ROBO3: variants seen among roughly 807,000 people sequenced by gnomAD.
ROBO3 encodes the protein roundabout homolog 3.
A neutral mutation model predicts 160.5 loss-of-function variants in ROBO3; 97 were observed. The ratio of observed to expected loss-of-function variants is 0.60; its 90% CI spans 0.51 to 0.72. ROBO3 has a LOEUF of 0.72. ROBO3 is among the 30% of genes least tolerant of loss of function. The pLI is 0.00. For synonymous variants in ROBO3, 780 were observed against 746.2 expected, an observed-to-expected ratio of 1.05 and a Z score of -0.74; for missense variants, 1,858 against 1,846.5, an observed-to-expected ratio of 1.01 and a Z score of -0.11.
At chr11:124,867,616 T>G (rs1565307829) in intron 1 of ROBO3, among the ~76,000 whole-genome samples, 1 of 152,170 alleles carries the variant, frequency 6.6e-6, no homozygotes, top group African/African-American at 2.4e-5. Flanking sequence ...ATCGATCTTC[T>G]TGACTCCAGG....
chr11:124,879,803 C>A lies in ROBO3; in HGVS notation c.3813C>A (p.Pro1271=). The change falls in exon 26 of 28, where the codon CCC becomes CCA. Residue 1271 remains proline, a synonymous_variant. Coordinates refer to ENST00000397801, the MANE Select transcript of ROBO3 (RefSeq NM_022370.4). ...CCTCCCCAGACTTGCCCCCACCACCCTTGCCACCGCCAGAGGAAGAGGCGA... is the reference window on the plus strand; with the variant it reads ...CCTCCCCAGACTTGCCCCCACCACCATTGCCACCGCCAGAGGAAGAGGCGA... ...ENSPGDLPPP[P]LPPPEEEASW... is the part of the protein sequence containing the mutation. 1 of 1,613,866 alleles carries A rather than the reference C, an allele frequency of 6.2e-7. No individual in the cohort carries two copies. Among genetic ancestry groups the A allele is most frequent in the East Asian group, 2.2e-5 (1 of 44,878 alleles).
At chr11:124,867,616 T>C (rs1565307829) in intron 1 of ROBO3, among the ~76,000 whole-genome samples, 2 of 152,170 alleles carry the variant, frequency 1.3e-5, no homozygotes, top group Admixed American at 6.5e-5. Context: ...ATCGATCTTC[T>C]TGACTCCAGG....
chr11:124,880,093 C>T (rs2135349255), intron 26 of ROBO3, 145 bp downstream of exon 26: 1 of 905,754 alleles, frequency 1.1e-6, no homozygotes. Context: ...GTCTCTCTAA[C>T]TCTCTGAGCA....
chr11:124,865,849 C>A lies in ROBO3; in HGVS notation c.160+112C>A. Reference sequence around the variant, plus strand: ...TCCCGAGGTCCGGGATTGAGTGGCGCCTCCCAGCGCCTCCCTGGGTCGTGG... The same window carrying A: ...TCCCGAGGTCCGGGATTGAGTGGCGACTCCCAGCGCCTCCCTGGGTCGTGG... On this transcript the variant is annotated intron_variant, in intron 1 of 27. Coordinates refer to ENST00000397801, the MANE Select transcript of ROBO3 (RefSeq NM_022370.4). This position sits in a 1 kb window ranked among gnomAD's most constrained non-coding sequence, Gnocchi z 5.5. The A allele has an allele frequency of 8.5e-7, 1 of 1,175,526 alleles. No homozygotes were observed. Among genetic ancestry groups the A allele is most frequent in the Non-Finnish European group, 1.2e-6 (1 of 854,324 alleles). The allele number at this position is 1,175,526 out of a possible 1,614,324, so 72.8% of individuals were successfully genotyped here.
chr11:124,869,299 T>A lies in ROBO3; in HGVS notation c.488-151T>A. 2 of 1,073,480 alleles carry A rather than the reference T, an allele frequency of 1.9e-6. No homozygotes were observed. Among genetic ancestry groups the A allele is most frequent in the South Asian group, 2.7e-5 (2 of 74,358 alleles). The allele number at this position is 1,073,480 out of a possible 1,614,324, so 66.5% of individuals were successfully genotyped here. The stretch of plus-strand genomic sequence containing the variant: ...GCCACACCACGGCCAGAGAAGGAAG[T>A]GGATCTGACTCCAGGCTGATATTTT... On this transcript the variant is annotated intron_variant, in intron 2 of 27. Coordinates refer to ENST00000397801, the MANE Select transcript of ROBO3 (RefSeq NM_022370.4). This position sits in a 1 kb window ranked among gnomAD's most constrained non-coding sequence, Gnocchi z 4.2.
chr11:124,868,512 A>G (rs1277680604), intron 1 of ROBO3: 4 of 598,410 alleles, frequency 6.7e-6, no homozygotes, highest in Non-Finnish European at 1.2e-5. Context: ...TTGGCAGGAG[A>G]GGAGACGGAG....
chr11:124,876,349 G>A lies in ROBO3; in HGVS notation c.2668G>A (p.Glu890Lys), dbSNP rs756642808. Residue 890 changes from glutamate (E) to lysine (K), a missense_variant, in exon 17 of 28, where the codon GAG (glutamate) becomes AAG (lysine). Coordinates refer to ENST00000397801, the MANE Select transcript of ROBO3 (RefSeq NM_022370.4). The surrounding 1 kb of genome is among the most constrained non-coding windows in gnomAD (Gnocchi z 5.3). ...GGTGCGGCTGGCGAGGGTGCTGCGG[G>A]AGCCCGCCTTCCTCGCGGGCAGCGG... ...LAVRLARVLR[E>K]PAFLAGSGAA... is the part of the protein sequence containing the mutation. 4.0e-5 allele frequency: 57 copies of A among 1,434,316 alleles called. No individual in the cohort carries two copies. The highest frequency in any genetic ancestry group is 5.9e-5 in the South Asian group (4 of 67,626). 88.8% of individuals were successfully genotyped at this position (1,434,316 alleles called of 1,614,324 possible). A position where few individuals can be genotyped will look rare whatever the true frequency, so the allele number is the denominator to read the frequency against.
At chr11:124,877,702 C>T (rs775012002) in intron 20 of ROBO3, 44 bp downstream of exon 20, 12 of 1,602,086 alleles carry the variant, frequency 7.5e-6, no homozygotes, top group Non-Finnish European at 1.0e-5. Context: ...CGCACTTCTC[C>T]CGACCTACTG....
At chr11:124,880,324 C>G (rs1244279232) in intron 26 of ROBO3, 94 bp from the exon 27 acceptor site, 2 of 1,532,198 alleles carry the variant, frequency 1.3e-6, no homozygotes, top group East Asian at 4.7e-5. Context: ...TCATCTTCTT[C>G]CAGAGCTGAG....
rs35723495 is a variant in ROBO3, at chr11:124,880,565, A to G, written c.4106A>G (p.Gln1369Arg). 1.3e-6 allele frequency: 2 copies of G among 1,524,216 alleles called. No homozygotes were observed. The highest frequency in any genetic ancestry group is 1.8e-6 in the Non-Finnish European group (2 of 1,130,128). The allele number at this position is 1,524,216 out of a possible 1,614,324, so 94.4% of individuals were successfully genotyped here. Residue 1369 changes from glutamine to arginine, a missense_variant, in exon 27 of 28, where the codon CAG becomes CGG. Physicochemically the swap from Gln to Arg is conservative, Grantham distance 43. Transcript: ENST00000397801. ...RGPGRSRSRS[Q>R]SRSQSQRPGQ... ...CCTGGCCGGAGCCGGAGTCGGAGTCAGAGCCGGAGCCAGAGCCAAAGGCCA... is the reference window on the plus strand; with the variant it reads ...CCTGGCCGGAGCCGGAGTCGGAGTCGGAGCCGGAGCCAGAGCCAAAGGCCA...
rs766739452 is a variant in ROBO3 at position 124,878,115 on chromosome 11, G to A, written c.3165G>A (p.Trp1055Ter). ...GGAGCCAGTACGCTCCTCCAGAGTG[G>A]AGCCAGGGGGACAGTGGTATGACTC... is the stretch of plus-strand genomic sequence containing the variant. ...GPWSQYAPPE[W>*]SQGDSGAKGG... Residue 1055 changes from tryptophan to a stop codon, truncating the protein, a stop_gained, in exon 21 of 28, where the codon TGG becomes TGA. Coordinates refer to ENST00000397801, the MANE Select transcript of ROBO3 (RefSeq NM_022370.4). LOFTEE classifies it high-confidence loss of function. This position sits in a 1 kb window ranked among gnomAD's most constrained non-coding sequence, Gnocchi z 4.3. The A allele has an allele frequency of 2.5e-6, 4 of 1,607,326 alleles. No homozygotes were observed. The highest frequency in any genetic ancestry group is 2.2e-5 in the East Asian group (1 of 44,752).
intron 23 of ROBO3, 101 bp from the exon 24 acceptor site, chr11:124,879,089 T>A: frequency 7.4e-7 from 1 of 1,346,946 alleles, no homozygotes; most frequent in Non-Finnish European, 1.0e-6. Flanking sequence ...GGGTTGTGTC[T>A]CGTTTATCTG....
In ROBO3 at chr11:124,870,598, C is replaced by T. The variant is rs1487655672; in HGVS notation, c.906-3C>T. 23 of 1,613,572 alleles carry T rather than the reference C, an allele frequency of 1.4e-5. 1 individual carries two copies. Among genetic ancestry groups the T allele is most frequent in the South Asian group, 1.1e-4 (10 of 90,932 alleles). ...ACCCAGCCTGGGGTGGGGAGTGGAG[C>T]AGGTATGAGATCCGGAGTGACCACA... On this transcript the variant is annotated splice_polypyrimidine_tract_variant and splice_region_variant and intron_variant, in intron 5 of 27. Coordinates refer to ENST00000397801, the MANE Select transcript of ROBO3 (RefSeq NM_022370.4).
Position 124,867,076 on chromosome 11 carries a change from T to G in ROBO3, c.160+1339T>G, listed in dbSNP as rs528058159. Among the ~76,000 whole-genome samples the G allele has an allele frequency of 2.7e-5, 4 of 150,366 alleles. No homozygotes were observed. The East Asian group carries it at 7.8e-4, about 29-fold the overall frequency. On this transcript the variant is annotated intron_variant, in intron 1 of 27. Transcript: ENST00000397801. ...GCCGCCGAGAAAACGCTTTATAGAG[T>G]GAATGGTGCCCTAATCGTCACAAAA...
chr11:124,879,215 CCT>C lies in ROBO3; in HGVS notation c.3563_3564del (p.Leu1188GlnfsTer11), dbSNP rs1265737080. ...PRRVPLGPSS[P>X]LSVSQPMLGI... ...GAGGGTGCCCCTTGGGCCGAGTTCC[CCT>C]CTCAGTGTATCCCAGCCCATGCTGG... On this transcript the variant is annotated frameshift_variant, in exon 24 of 28. Coordinates refer to ENST00000397801, the MANE Select transcript of ROBO3 (RefSeq NM_022370.4). LOFTEE classifies it high-confidence loss of function. The C allele has an allele frequency of 6.4e-7, 1 of 1,553,154 alleles. No homozygotes were observed. Among genetic ancestry groups the C allele is most frequent in the Non-Finnish European group, 8.7e-7 (1 of 1,147,852 alleles).
At chr11:124,880,007 A>C in intron 26 of ROBO3, 59 bp downstream of exon 26, 1 of 1,466,526 alleles carries the variant, frequency 6.8e-7, no homozygotes, top group Non-Finnish European at 9.1e-7. Flanking sequence ...GGGCTTTGGG[A>C]CTGGGGGCTG....
chr11:124,870,734 G>A lies in ROBO3; in HGVS notation c.1033+6G>A, dbSNP rs570770757. The A allele has an allele frequency of 4.3e-6, 7 of 1,609,574 alleles. No homozygotes were observed. In the East Asian group the frequency reaches 1.6e-4, roughly 36 times the overall value. ...TGGCTCCCTCAGTGTTCACGGTGAG[G>A]GCTGTACTTGGGACTGCCTGCAGCA... On this transcript the variant is annotated splice_donor_region_variant and intron_variant, in intron 6 of 27. Transcript: ENST00000397801.
chr11:124,876,170 G>A lies in ROBO3; in HGVS notation c.2593+45G>A. On this transcript the variant is annotated intron_variant, in intron 16 of 27. Coordinates refer to ENST00000397801, the MANE Select transcript of ROBO3 (RefSeq NM_022370.4). The surrounding 1 kb of genome is among the most constrained non-coding windows in gnomAD (Gnocchi z 5.3). ...GTGCTGAGGATCTTGACGGGGGCGG[G>A]GCAAGCCCCCCACTGGGGTAGCTGT... 6 of 1,556,820 alleles carry A rather than the reference G, an allele frequency of 3.9e-6. No individual in the cohort carries two copies. The highest frequency in any genetic ancestry group is 5.2e-6 in the Non-Finnish European group (6 of 1,157,142).
chr11:124,879,667 C>A, intron 25 of ROBO3, 92 bp downstream of exon 25: 1 of 1,529,708 alleles, frequency 6.5e-7, no homozygotes, highest in Non-Finnish European at 8.9e-7. Flanking sequence ...GAGGAGGGAA[C>A]AGGTGAACCC....
Sources: gnomAD v4.1 joint callset for allele counts (sites outside exome capture counted in the v4.1 genomes callset) on GRCh38, gnomAD v4.1.1 for gene constraint, Gnocchi (gnomAD v3.1) non-coding constraint, MANE v1.5 for transcripts, NCBI Gene and HGNC (gene_info 2026-07-23, HGNC 2026-07-21) for gene names.